The following PHACTR1 variants were observed in gnomAD, a reference collection of about 807,000 sequenced individuals.
PHACTR1 encodes phosphatase and actin regulator 1, also known as RPEL repeat containing 1.
Under a neutral mutation model 69.2 loss-of-function variants are expected in PHACTR1, and 16 were observed. That is an observed-to-expected ratio of 0.23 (90% CI 0.16 to 0.35). The LOEUF (loss-of-function observed/expected upper bound fraction) is 0.35. Among genes scored for constraint, PHACTR1 ranks in the 10% least tolerant of loss-of-function variants. The pLI, the probability that PHACTR1 is intolerant of heterozygous loss-of-function variation, is 1.00. For missense variants in PHACTR1, 510 were observed against 734.7 expected (o/e 0.69, Z 3.54); for synonymous variants, 312 against 284.5 (o/e 1.10, Z -0.97).
chr6:12,865,133 A>G (rs1158017043), intron 4 of PHACTR1, among the ~76,000 whole-genome samples: 3 of 148,176 alleles, frequency 2.0e-5, no homozygotes, highest in Non-Finnish European at 4.5e-5. Flanking sequence ...TCCCAGGAAA[A>G]CCCCCAGTCC....
chr6:13,240,050 T>TA (rs112143131), intron 10 of PHACTR1, among the ~76,000 whole-genome samples: 378 of 145,090 alleles, frequency 2.6e-3, no homozygotes, highest in South Asian at 0.026. Context: ...AAAGTTTCTT[T>TA]AAAAAAAAAA....
chr6:12,791,566 A>G (rs957609432), intron 4 of PHACTR1, among the ~76,000 whole-genome samples: 1 of 152,220 alleles, frequency 6.6e-6, no homozygotes, highest in African/African-American at 2.4e-5. Context: ...GGCAGAAATG[A>G]TGCGTGGTGA....
chr6:12,802,309 C>T (rs1428037298), intron 4 of PHACTR1, among the ~76,000 whole-genome samples: 2 of 151,778 alleles, frequency 1.3e-5, no homozygotes, highest in Non-Finnish European at 2.9e-5. Flanking sequence ...TAAGTTCATA[C>T]TCCTCATTGG....
intron 4 of PHACTR1, among the ~76,000 whole-genome samples, chr6:12,757,269 C>T (rs1223082400): frequency 1.3e-5 from 2 of 152,012 alleles, no homozygotes; most frequent in Non-Finnish European, 2.9e-5. Flanking sequence ...TGAAAAGGAC[C>T]TAAACTAGAG....
chr6:12,858,637 A>T (rs953101281), intron 4 of PHACTR1, among the ~76,000 whole-genome samples: 1 of 152,094 alleles, frequency 6.6e-6, no homozygotes, highest in Non-Finnish European at 1.5e-5. Flanking sequence ...CTACAAAAAA[A>T]AATTTAAAAA....
chr6:13,182,921 T>G (rs778348161), intron 7 of PHACTR1, among the ~76,000 whole-genome samples: 4 of 152,224 alleles, frequency 2.6e-5, no homozygotes, highest in Non-Finnish European at 5.9e-5. Flanking sequence ...CTTAATCTCT[T>G]TAAAGATGAT....
At chr6:12,752,798 C>T (rs1031286767) in intron 4 of PHACTR1, among the ~76,000 whole-genome samples, 2 of 151,712 alleles carry the variant, frequency 1.3e-5, no homozygotes, top group Admixed American at 6.5e-5. Flanking sequence ...CCTACAGTGG[C>T]AAGTCAGTCA....
At chr6:12,736,297 T>G (rs1185902232) in intron 3 of PHACTR1, among the ~76,000 whole-genome samples, 2 of 152,190 alleles carry the variant, frequency 1.3e-5, no homozygotes, top group East Asian at 3.8e-4. Context: ...TTTTCAATAT[T>G]GCCACTATAA....
chr6:13,148,585 A>C (rs1823809704), intron 5 of PHACTR1, among the ~76,000 whole-genome samples: 1 of 151,914 alleles, frequency 6.6e-6, no homozygotes, highest in Non-Finnish European at 1.5e-5. Flanking sequence ...CTTTTTTTTC[A>C]CATATACCTA....
At chr6:13,085,222 A>G (rs1812081628) in intron 5 of PHACTR1, among the ~76,000 whole-genome samples, 1 of 151,974 alleles carries the variant, frequency 6.6e-6, no homozygotes, top group African/African-American at 2.4e-5. Flanking sequence ...CTCATTCCAT[A>G]ATAATTTATA....
At chr6:12,950,921 C>T (rs956639885) in intron 4 of PHACTR1, among the ~76,000 whole-genome samples, 2 of 152,148 alleles carry the variant, frequency 1.3e-5, no homozygotes, top group East Asian at 1.9e-4. Context: ...TGTATCTTTC[C>T]GGGGTCTTGG....
Position 12,902,849 on chromosome 6 carries a change from C to T in PHACTR1, c.251-150516C>T, listed in dbSNP as rs535782692. ...ATTTTGATAAAGCTGAACAAACCCA[C>T]ACTGTCCATCTCAACAGGCCACTTA... is the stretch of plus-strand genomic sequence containing the variant. On this transcript the variant is annotated intron_variant, in intron 4 of 14. Transcript: ENST00000332995. Among the ~76,000 whole-genome samples the T allele has an allele frequency of 3.9e-5, 6 of 152,314 alleles. No individual in the cohort carries two copies. The East Asian group carries it at 7.7e-4, about 20-fold the overall frequency.
chr6:12,890,706 T>A (rs191386479), intron 4 of PHACTR1, among the ~76,000 whole-genome samples: 4 of 152,324 alleles, frequency 2.6e-5, no homozygotes, highest in Non-Finnish European at 5.9e-5. Context: ...AAGTGTTTAC[T>A]CAGATCTCCC....
chr6:12,772,286 C>A (rs1251529188), intron 4 of PHACTR1, among the ~76,000 whole-genome samples: 3 of 152,178 alleles, frequency 2.0e-5, no homozygotes, highest in Non-Finnish European at 2.9e-5. Flanking sequence ...TATGCAGGTT[C>A]ACATATTGAT....
chr6:13,021,419 C>T (rs953627941), intron 4 of PHACTR1, among the ~76,000 whole-genome samples: 21 of 152,336 alleles, frequency 1.4e-4, no homozygotes, highest in African/African-American at 4.8e-4. Context: ...TTCACCCATT[C>T]ATCTGTTGAT....
chr6:12,756,801 C>G (rs1243117496), intron 4 of PHACTR1, among the ~76,000 whole-genome samples: 1 of 152,124 alleles, frequency 6.6e-6, no homozygotes, highest in African/African-American at 2.4e-5. Flanking sequence ...CATGGAAAGG[C>G]CATTATTGCC....
At chr6:12,929,912 T>G (rs930820721) in intron 4 of PHACTR1, among the ~76,000 whole-genome samples, 11 of 152,222 alleles carry the variant, frequency 7.2e-5, no homozygotes, top group African/African-American at 2.4e-4. Context: ...CAAATGACAG[T>G]CTTTTGAGAC....
intron 4 of PHACTR1, among the ~76,000 whole-genome samples, chr6:13,050,566 A>T (rs1010675254): frequency 1.1e-4 from 17 of 151,980 alleles, no homozygotes; most frequent in African/African-American, 4.1e-4. Context: ...TACATCTTCG[A>T]TCTCTCACTT....
intron 6 of PHACTR1, among the ~76,000 whole-genome samples, chr6:13,162,373 C>T (rs775407977): frequency 7.2e-5 from 11 of 151,936 alleles, no homozygotes; most frequent in Admixed American, 2.6e-4. Context: ...GTGATCCACC[C>T]GTCTCCGCCT....
Sources: allele counts gnomAD v4.1 joint callset (sites outside exome capture counted in the v4.1 genomes callset), GRCh38; gene constraint gnomAD v4.1.1; transcripts MANE v1.5; gene names NCBI Gene and HGNC (gene_info 2026-07-23, HGNC 2026-07-21).